Variants in CIAO2A observed in about 807,000 individuals in gnomAD.
CIAO2A encodes the protein cytosolic iron-sulfur assembly component 2A, also known as MIP18 family protein FAM96A.
In CIAO2A, 17 loss-of-function variants were observed where a neutral mutation model predicts 22.4. The ratio of observed to expected loss-of-function variants is 0.76; its 90% confidence interval spans 0.52 to 1.14. The LOEUF is 1.14. Among genes scored for constraint, CIAO2A ranks in the 50% most tolerant of loss-of-function variants. The probability of loss-of-function intolerance (pLI) is 0.00; values close to 1 mark genes in which losing one functional copy is unlikely to be tolerated. For synonymous variants in CIAO2A, 74 were observed against 72.3 expected, an observed-to-expected ratio of 1.02 and a Z score of -0.12; for missense variants, 192 against 191.4, an observed-to-expected ratio of 1.00 and a Z score of -0.02.
At chr15:64,081,534 CCTTTTTT>C (rs1471428040) in intron 2 of CIAO2A, among the ~76,000 whole-genome samples, 1 of 24,406 alleles carries the variant, frequency 4.1e-5, no homozygotes, top group Non-Finnish European at 1.3e-4. Context: ...ACTCATTAAG[CCTTTTTT>C]TTTTTTTTTT....
At chr15:64,077,297 CAACAAAACAA>C (rs61363469) in intron 3 of CIAO2A, among the ~76,000 whole-genome samples, 2,130 of 150,500 alleles carry the variant, frequency 0.014, 13 homozygotes, top group Non-Finnish European at 0.02. Context: ...GACTCCGTCT[CAACAAAACAA>C]AACAAAACAA....
chr15:64,092,767 T>A (rs974618973), intron 1 of CIAO2A, among the ~76,000 whole-genome samples: 1 of 152,244 alleles, frequency 6.6e-6, no homozygotes, highest in Non-Finnish European at 1.5e-5. Flanking sequence ...CTATAATCCT[T>A]ACTTGAATTA....
chr15:64,088,919 A>C, intron 1 of CIAO2A, 68 bp from the exon 2 acceptor site: 1 of 1,475,898 alleles, frequency 6.8e-7, no homozygotes, highest in Non-Finnish European at 9.2e-7. Flanking sequence ...TGATTTTGCC[A>C]GGCCTAATTT....
intron 2 of CIAO2A, among the ~76,000 whole-genome samples, chr15:64,082,377 C>T (rs191026100): frequency 1.1e-4 from 17 of 152,150 alleles, no homozygotes; most frequent in Non-Finnish European, 1.8e-4. Context: ...TACAGAAGCA[C>T]GCTACCACAC....
Position 64,088,802 on chromosome 15 carries a change from T to C in CIAO2A, c.174A>G (p.Glu58=). The C allele has an allele frequency of 6.2e-7, 1 of 1,614,102 alleles. No homozygotes were observed. The highest frequency in any genetic ancestry group is 1.3e-5 in the African/African-American group (1 of 75,046). ...CACAACTTTCCGAGACCACTTCCAG[T>C]TCTTCTAAAGTATTGGGCTTTTCTG... is the stretch of plus-strand genomic sequence containing the variant. ...RDPEKPNTLE[E]LEVVSESCVE... The change falls in exon 2 of 5, where the codon GAA becomes GAG. Residue 58 remains glutamate (E), a synonymous_variant. Transcript: ENST00000300030.
intron 3 of CIAO2A, among the ~76,000 whole-genome samples, chr15:64,080,869 G>C (rs2080754563): frequency 6.6e-6 from 1 of 152,112 alleles, no homozygotes; most frequent in African/African-American, 2.4e-5. Flanking sequence ...CTCACAGGTG[G>C]AAAAGAAATG....
intron 2 of CIAO2A, among the ~76,000 whole-genome samples, chr15:64,085,115 A>G (rs1175120813): frequency 3.9e-5 from 4 of 102,432 alleles, no homozygotes; most frequent in African/African-American, 1.3e-4. Flanking sequence ...ATAAAATAAA[A>G]TAAAATAAAG....
At chr15:64,091,132 A>C (rs1230019477) in intron 1 of CIAO2A, among the ~76,000 whole-genome samples, 1 of 148,050 alleles carries the variant, frequency 6.8e-6, no homozygotes, top group East Asian at 2.1e-4. Flanking sequence ...ACTGGGAAAA[A>C]CAAGAACAAA....
At chr15:64,088,231 A>T (rs1307209673) in intron 2 of CIAO2A, among the ~76,000 whole-genome samples, 2 of 152,240 alleles carry the variant, frequency 1.3e-5, no homozygotes, top group African/African-American at 4.8e-5. Flanking sequence ...AGAGTCACTG[A>T]AAGGAGATGG....
At position 64,081,135 on chromosome 15, in the gene CIAO2A, T is replaced by G. The variant is rs748446209; in HGVS notation, c.306A>C (p.Val102=). 19 of 1,613,674 alleles carry G rather than the reference T, an allele frequency of 1.2e-5. No homozygotes were observed. The highest frequency in any genetic ancestry group is 1.5e-5 in the Non-Finnish European group (18 of 1,179,926). The change falls in exon 3 of 5, where the codon GTA becomes GTC. Residue 102 remains valine (V), a synonymous_variant. Coordinates refer to ENST00000300030, the MANE Select transcript of CIAO2A (RefSeq NM_032231.7). Reference sequence around the variant, plus strand: ...TAAATGGTAAACATCGCTGAAGTTTTACTCTTAAGCACAGCCCTGTGGAGG... The same window carrying G: ...TAAATGGTAAACATCGCTGAAGTTTGACTCTTAAGCACAGCCCTGTGGAGG... ...LATLIGLCLR[V]KLQRCLPFKH... is the part of the protein sequence containing the mutation.
rs567458576 is a variant in CIAO2A at position 64,085,222 on chromosome 15, A to G, written c.289+3465T>C. Among the ~76,000 whole-genome samples the G allele has an allele frequency of 3.3e-5, 5 of 152,352 alleles. No homozygotes were observed. The East Asian group carries it at 5.8e-4, about 18-fold the overall frequency. On this transcript the variant is annotated intron_variant, in intron 2 of 4. Coordinates refer to ENST00000300030, the MANE Select transcript of CIAO2A (RefSeq NM_032231.7). ...TACCAATATGATTAGCATGTAACCT[A>G]TAACTATATAATTAAAGAATATTTA...
At chr15:64,082,044 C>T (rs932420065) in intron 2 of CIAO2A, among the ~76,000 whole-genome samples, 4 of 152,146 alleles carry the variant, frequency 2.6e-5, no homozygotes, top group African/African-American at 4.8e-5. Flanking sequence ...TCAACAAAAC[C>T]TCAAACCATA....
At chr15:64,088,259 G>C (rs1015687273) in intron 2 of CIAO2A, among the ~76,000 whole-genome samples, 75 of 152,194 alleles carry the variant, frequency 4.9e-4, no homozygotes, top group Non-Finnish European at 2.4e-4. Flanking sequence ...AGCAATGCTA[G>C]TCTGACACCA....
intron 2 of CIAO2A, among the ~76,000 whole-genome samples, chr15:64,085,955 G>A (rs750324444): frequency 5.3e-5 from 8 of 151,514 alleles, no homozygotes; most frequent in East Asian, 1.9e-4. Context: ...TGATCTGCCC[G>A]CCTCGGCCTC....
At chr15:64,075,989 CAT>C (rs2080714604) in intron 3 of CIAO2A, among the ~76,000 whole-genome samples, 1 of 151,338 alleles carries the variant, frequency 6.6e-6, no homozygotes, top group Non-Finnish European at 1.5e-5. Flanking sequence ...ACATCAGAGA[CAT>C]AGGGACAAAT....
intron 2 of CIAO2A, among the ~76,000 whole-genome samples, chr15:64,081,587 G>C (rs1386628620): frequency 6.8e-6 from 1 of 147,490 alleles, no homozygotes; most frequent in Non-Finnish European, 1.5e-5. Context: ...GCCCAGGCTG[G>C]AGTGCAGTGG....
chr15:64,092,325 C>T (rs1432924776), intron 1 of CIAO2A, among the ~76,000 whole-genome samples: 1 of 152,144 alleles, frequency 6.6e-6, no homozygotes, highest in Non-Finnish European at 1.5e-5. Context: ...AGTATGCCCT[C>T]TGACCCTCTA....
rs539206522 is a variant in CIAO2A at position 64,093,786 on chromosome 15, C to T, written c.-18G>A. On this transcript the variant is annotated 5_prime_UTR_variant, in exon 1 of 5. Coordinates refer to ENST00000300030, the MANE Select transcript of CIAO2A (RefSeq NM_032231.7). ...CGCTGCATCTTCACGCTCAGCCATC[C>T]CTGGCGACTGTCCCAATCGCGCCAC... is the stretch of plus-strand genomic sequence containing the variant. 3 of 1,608,392 alleles carry T rather than the reference C, an allele frequency of 1.9e-6. No individual in the cohort carries two copies. Among genetic ancestry groups the T allele is most frequent in the South Asian group, 2.2e-5 (2 of 90,906 alleles).
At chr15:64,081,555 T>G (rs2080759435) in intron 2 of CIAO2A, among the ~76,000 whole-genome samples, 1 of 148,584 alleles carries the variant, frequency 6.7e-6, no homozygotes, top group African/African-American at 2.5e-5. Context: ...TTTTTTTTTT[T>G]GAGACGGAGT....
Sources: allele counts gnomAD v4.1 joint callset (sites outside exome capture counted in the v4.1 genomes callset), GRCh38; gene constraint gnomAD v4.1.1; transcripts MANE v1.5; gene names NCBI Gene and HGNC (gene_info 2026-07-23, HGNC 2026-07-21).